The following RFLNA variants were observed in gnomAD, a reference collection of about 807,000 sequenced individuals.
RFLNA encodes refilin-A.
A neutral mutation model predicts 7.8 loss-of-function variants in RFLNA; 5 were observed. That is an observed-to-expected ratio of 0.64 (90% CI 0.34 to 1.35). The LOEUF (loss-of-function observed/expected upper bound fraction) is 1.35. Among genes scored for constraint, RFLNA ranks in the 40% most tolerant of loss-of-function variants. The pLI is 0.04. For synonymous variants in RFLNA, 141 were observed against 131.3 expected (o/e 1.07, Z -0.50); for missense variants, 278 against 305.5 (o/e 0.91, Z 0.67).
intron 1 of RFLNA, among the ~76,000 whole-genome samples, chr12:124,300,765 TGGATGGATTGAC>T (rs1388595067): frequency 2.8e-3 from 220 of 77,676 alleles, no homozygotes; most frequent in African/African-American, 8.1e-3. Flanking sequence ...GATGGATGGA[TGGATGGATTGAC>T]GGATGGATGG....
At chr12:124,313,855 G>A (rs2034298584) in intron 2 of RFLNA, among the ~76,000 whole-genome samples, 1 of 152,272 alleles carries the variant, frequency 6.6e-6, no homozygotes, top group South Asian at 2.1e-4. Context: ...TCAACGTCAG[G>A]GAAGTGCACA....
intron 1 of RFLNA, among the ~76,000 whole-genome samples, chr12:124,297,228 G>A (rs2033944888): frequency 6.6e-6 from 1 of 152,114 alleles, no homozygotes; most frequent in Non-Finnish European, 1.5e-5. Context: ...TCTGCCATCC[G>A]GGCCAGCCCG....
rs1593039894 is a variant in RFLNA at position 124,311,947 on chromosome 12, C to T, written c.317+20C>T. 2.0e-5 allele frequency: 14 copies of T among 716,904 alleles called. No homozygotes were observed. Among genetic ancestry groups the T allele is most frequent in the Non-Finnish European group, 3.1e-5 (14 of 457,796 alleles). The allele number at this position is 716,904 out of a possible 1,614,324, so 44.4% of individuals were successfully genotyped here. ...GATCCGGTGAGTGGGCCACTGGGCT[C>T]TGCGCGGGAGGAGGGGGTGGGGGGT... On this transcript the variant is annotated intron_variant, in intron 2 of 2. Transcript: ENST00000546355.
At chr12:124,294,809 A>G (rs948919334), upstream of RFLNA, among the ~76,000 whole-genome samples, 2 of 152,260 alleles carry the variant, frequency 1.3e-5, no homozygotes, top group African/African-American at 4.8e-5. Context: ...GAAAACCTCC[A>G]AGAGCACCAC....
rs527736440 is a variant in RFLNA, at chr12:124,295,384, G to A, written c.-46G>A. ...GCCCCGGGCCCCGGAGCGCGGTGGAGAAGCCCCCGGAGGAGCGGGGGGCCC... is the reference window on the plus strand; with the variant it reads ...GCCCCGGGCCCCGGAGCGCGGTGGAAAAGCCCCCGGAGGAGCGGGGGGCCC... On this transcript the variant is annotated 5_prime_UTR_variant, in exon 1 of 3. Coordinates refer to ENST00000546355, the MANE Select transcript of RFLNA (RefSeq NM_001365156.1). 474 of 1,134,692 alleles carry A rather than the reference G, an allele frequency of 4.2e-4. 2 individuals carry two copies. The African/African-American group carries it at 7.0e-3, about 17-fold the overall frequency. 70.3% of individuals were successfully genotyped at this position (1,134,692 alleles called of 1,614,324 possible). A position where few individuals can be genotyped will look rare whatever the true frequency, so the allele number is the denominator to read the frequency against.
chr12:124,306,341 C>G lies in RFLNA; in HGVS notation c.208-5477C>G, dbSNP rs377605529. On this transcript the variant is annotated intron_variant, in intron 1 of 2. Coordinates refer to ENST00000546355, the MANE Select transcript of RFLNA (RefSeq NM_001365156.1). This position sits in a 1 kb window ranked among gnomAD's most constrained non-coding sequence, Gnocchi z 5.2. Reference sequence around the variant, plus strand: ...GGAGAGGACACTGAGTTGGCTCTCACCAGCCCAAGCGAGAAGCAGCCAGTG... The same window carrying G: ...GGAGAGGACACTGAGTTGGCTCTCAGCAGCCCAAGCGAGAAGCAGCCAGTG... Among the ~76,000 whole-genome samples the G allele has an allele frequency of 4.1e-4, 63 of 152,154 alleles. No homozygotes were observed. Among genetic ancestry groups the G allele is most frequent in the African/African-American group, 1.5e-3 (62 of 41,440 alleles).
chr12:124,295,986 C>A (rs2033901428), intron 1 of RFLNA, among the ~76,000 whole-genome samples: 1 of 151,580 alleles, frequency 6.6e-6, no homozygotes, highest in Non-Finnish European at 1.5e-5. Context: ...CGCCCAGAGG[C>A]CCAGCATGTT....
chr12:124,301,023 A>G (rs1369372339), intron 1 of RFLNA, among the ~76,000 whole-genome samples: 1 of 152,228 alleles, frequency 6.6e-6, no homozygotes, highest in Non-Finnish European at 1.5e-5. Flanking sequence ...AGATGGACTC[A>G]GGAAAACAGG....
At chr12:124,296,402 C>A (rs936096223) in intron 1 of RFLNA, among the ~76,000 whole-genome samples, 1 of 150,912 alleles carries the variant, frequency 6.6e-6, no homozygotes, top group Non-Finnish European at 1.5e-5. Context: ...CTGGGCACCC[C>A]CCGGCAGGCG....
At chr12:124,304,356 C>T (rs1316039935) in intron 1 of RFLNA, among the ~76,000 whole-genome samples, 1 of 152,242 alleles carries the variant, frequency 6.6e-6, no homozygotes. Context: ...GTGTCTCCTG[C>T]CCAGCGCTTC....
chr12:124,299,652 A>G (rs1057164590), intron 1 of RFLNA, among the ~76,000 whole-genome samples: 1 of 152,216 alleles, frequency 6.6e-6, no homozygotes, highest in Non-Finnish European at 1.5e-5. Context: ...ATGGTCTCCA[A>G]TTCCATCCAG....
chr12:124,313,240 A>G (rs1196282632), intron 2 of RFLNA, among the ~76,000 whole-genome samples: 1 of 152,094 alleles, frequency 6.6e-6, no homozygotes, highest in African/African-American at 2.4e-5. Flanking sequence ...GGGGAATGAG[A>G]TGGGGAGGAT....
Position 124,295,485 on chromosome 12 carries a change from G to T in RFLNA, c.56G>T (p.Arg19Leu). The T allele has an allele frequency of 7.8e-7, 1 of 1,276,902 alleles. No individual in the cohort carries two copies. The highest frequency in any genetic ancestry group is 2.8e-5 in the South Asian group (1 of 36,124). 79.1% of individuals were successfully genotyped at this position (1,276,902 alleles called of 1,614,324 possible). ...GMEDSLKEQG[R>L]EGLLDSPDSG... Reference sequence around the variant, plus strand: ...GAGGACAGCCTGAAGGAGCAGGGCCGGGAGGGCTTGCTGGACAGCCCCGAC... The same window carrying T: ...GAGGACAGCCTGAAGGAGCAGGGCCTGGAGGGCTTGCTGGACAGCCCCGAC... Residue 19 changes from arginine (R) to leucine (L), a missense_variant, in exon 1 of 3, where the codon CGG (arginine) becomes CTG (leucine). Arg to Leu is a moderately radical substitution (Grantham distance 102). Transcript: ENST00000546355.
At chr12:124,313,054 A>T (rs2034281597) in intron 2 of RFLNA, among the ~76,000 whole-genome samples, 1 of 152,178 alleles carries the variant, frequency 6.6e-6, no homozygotes, top group South Asian at 2.1e-4. Context: ...CAGGAGACAA[A>T]CGAGTCCACT....
intron 1 of RFLNA, among the ~76,000 whole-genome samples, chr12:124,296,029 C>T (rs995384352): frequency 2.0e-5 from 3 of 151,366 alleles, no homozygotes; most frequent in Admixed American, 2.0e-4. Context: ...TCTGCTGCTC[C>T]GGGTGCCCTG....
At chr12:124,309,260 C>T (rs529652416) in intron 1 of RFLNA, among the ~76,000 whole-genome samples, 3 of 152,208 alleles carry the variant, frequency 2.0e-5, no homozygotes, top group Non-Finnish European at 4.4e-5. Flanking sequence ...TCCCTGATTA[C>T]CTGGTGGTCA....
upstream of RFLNA, among the ~76,000 whole-genome samples, chr12:124,294,382 G>T (rs1291929405): frequency 6.6e-6 from 1 of 152,178 alleles, no homozygotes; most frequent in African/African-American, 2.4e-5. Context: ...GGGGTGGGGG[G>T]CGTCTGTGTG....
intron 1 of RFLNA, among the ~76,000 whole-genome samples, chr12:124,300,601 T>A (rs151299624): frequency 6.6e-6 from 1 of 151,730 alleles, no homozygotes; most frequent in African/African-American, 2.4e-5. Flanking sequence ...GATGGATGGA[T>A]GGATGGATGG....
Position 124,314,478 on chromosome 12 carries a change from C to A in RFLNA, c.604C>A (p.Leu202Ile). 6.3e-7 allele frequency: 1 copy of A among 1,597,832 alleles called. No homozygotes were observed. Among genetic ancestry groups the A allele is most frequent in the Non-Finnish European group, 8.5e-7 (1 of 1,178,988 alleles). ...GTTCACCGCCAGCGTGCAGCTGCAG[C>A]TTTGCCAGGACCCTGCCCCCAGCCT... ...RWFTASVQLQ[L>I]CQDPAPSLLG... The change falls in exon 3 of 3, where the codon CTT becomes ATT. Residue 202 changes from leucine to isoleucine, a missense_variant. Leu to Ile is a conservative substitution (Grantham distance 5). Coordinates refer to ENST00000546355, the MANE Select transcript of RFLNA (RefSeq NM_001365156.1).
Sources: allele counts gnomAD v4.1 joint callset (sites outside exome capture counted in the v4.1 genomes callset), GRCh38; gene constraint gnomAD v4.1.1; non-coding constraint Gnocchi (gnomAD v3.1); transcripts MANE v1.5; gene names NCBI Gene and HGNC (gene_info 2026-07-23, HGNC 2026-07-21).